The following ZNF469 variants were observed in gnomAD, a reference collection of about 807,000 sequenced individuals.
ZNF469 encodes the protein zinc finger protein 469.
In ZNF469, 1 loss-of-function variant was observed where a neutral mutation model predicts 1.0. That is an observed-to-expected ratio of 1.00 (90% confidence interval 0.35 to 4.73). The LOEUF (loss-of-function observed/expected upper bound fraction) is 4.73, where lower values mean the gene tolerates loss of function less well. Among genes scored for constraint, ZNF469 ranks in the 30% most tolerant of loss-of-function variants. The pLI, the probability that ZNF469 is intolerant of heterozygous loss-of-function variation, is 0.16. For missense variants in ZNF469, 6,100 were observed against 5,356.3 expected, an observed-to-expected ratio of 1.14 and a Z score of -4.33; for synonymous variants, 2,703 against 2,363.4, an observed-to-expected ratio of 1.14 and a Z score of -4.17.
chr16:88,375,129 T>C, the ZNF469 span, among the ~76,000 whole-genome samples: 1 of 152,238 alleles, frequency 6.6e-6, no homozygotes, highest in African/African-American at 2.4e-5. Flanking sequence ...TTTTTCTGGT[T>C]ATGAAATAGA....
the ZNF469 span, among the ~76,000 whole-genome samples, chr16:88,209,138 G>T: frequency 6.6e-6 from 1 of 151,600 alleles, no homozygotes; most frequent in Non-Finnish European, 1.5e-5. Flanking sequence ...AACTTAACCT[G>T]GTTCCACAAA....
chr16:88,198,412 AGTT>A, the ZNF469 span, among the ~76,000 whole-genome samples: 1 of 152,250 alleles, frequency 6.6e-6, no homozygotes, highest in East Asian at 1.9e-4. Context: ...AGGCTATTGC[AGTT>A]GTCCAAACTT....
the ZNF469 span, among the ~76,000 whole-genome samples, chr16:88,212,722 AG>A: frequency 1.3e-5 from 2 of 152,184 alleles, no homozygotes; most frequent in Non-Finnish European, 2.9e-5. Context: ...CTAAGACTAA[AG>A]GCACACACCA....
At chr16:88,383,481 CG>C (rs1433751824) in intron 1 of ZNF469, among the ~76,000 whole-genome samples, 1 of 149,028 alleles carries the variant, frequency 6.7e-6, no homozygotes, top group Non-Finnish European at 1.5e-5. Flanking sequence ...CAGCGAGCGC[CG>C]GGGCCCGGCG....
the ZNF469 span, among the ~76,000 whole-genome samples, chr16:88,134,006 A>G: frequency 6.6e-6 from 1 of 152,200 alleles, no homozygotes; most frequent in Non-Finnish European, 1.5e-5. Context: ...GAGGCAGGAC[A>G]ATCAATAGAA....
At chr16:88,197,851 A>G in the ZNF469 span, among the ~76,000 whole-genome samples, 1 of 152,248 alleles carries the variant, frequency 6.6e-6, no homozygotes, top group South Asian at 2.1e-4. Context: ...GTGTCCTCAC[A>G]GCATGGCAAC....
the ZNF469 span, among the ~76,000 whole-genome samples, chr16:88,260,915 CTG>C: frequency 6.6e-6 from 1 of 152,186 alleles, no homozygotes; most frequent in Non-Finnish European, 1.5e-5. This position sits in a 1 kb window ranked among gnomAD's most constrained non-coding sequence, Gnocchi z 4.1. Context: ...AAGGAGGAGG[CTG>C]CGTGGCCACG....
chr16:88,108,888 G>A, the ZNF469 span, among the ~76,000 whole-genome samples: 20 of 152,170 alleles, frequency 1.3e-4, no homozygotes, highest in Non-Finnish European at 2.4e-4. Context: ...CACCAGCCCC[G>A]GTCGGGACTT....
chr16:88,192,601 G>A, the ZNF469 span, among the ~76,000 whole-genome samples: 16 of 152,408 alleles, frequency 1.0e-4, no homozygotes, highest in African/African-American at 2.9e-4. Flanking sequence ...CTGGTCCACA[G>A]TCCAAGTCAC....
chr16:88,284,483 C>A, the ZNF469 span, among the ~76,000 whole-genome samples: 7 of 152,060 alleles, frequency 4.6e-5, no homozygotes, highest in Non-Finnish European at 7.4e-5. Flanking sequence ...TTAGCTAGGC[C>A]TGGTGTAATC....
At chr16:88,382,781 G>T (rs900359977), upstream of ZNF469, among the ~76,000 whole-genome samples, 1 of 152,232 alleles carries the variant, frequency 6.6e-6, no homozygotes, top group African/African-American at 2.4e-5. Flanking sequence ...TGCCATTCTG[G>T]GGTGGGCTGG....
chr16:88,215,689 C>CAGCCTTTTT, the ZNF469 span, among the ~76,000 whole-genome samples: 1 of 151,984 alleles, frequency 6.6e-6, no homozygotes, highest in Admixed American at 6.6e-5. Context: ...TACACCTGGC[C>CAGCCTTTTT]AGCCTTTTTT....
At position 88,434,205 on chromosome 16, in the gene ZNF469, C is replaced by A. The variant is rs773133696; in HGVS notation, c.6735C>A (p.Pro2245=). The A allele has an allele frequency of 1.9e-6, 3 of 1,550,376 alleles. No homozygotes were observed. In the South Asian group the frequency reaches 3.6e-5, roughly 18 times the overall value. ...AVTCTHSGDT[P]KDSTLRIPED... is the part of the protein sequence containing the mutation. ...CCTGCACTCACAGTGGGGACACCCC[C>A]AAAGACAGCACTTTAAGAATTCCAG... Residue 2245 remains proline, a synonymous_variant, in exon 3 of 3, where the codon CCC becomes CCA. Coordinates refer to ENST00000565624, the MANE Select transcript of ZNF469 (RefSeq NM_001367624.2).
At chr16:88,117,175 A>T in the ZNF469 span, among the ~76,000 whole-genome samples, 1 of 54,940 alleles carries the variant, frequency 1.8e-5, no homozygotes, top group Non-Finnish European at 6.1e-5. Context: ...AACTGGGGGC[A>T]TGTGAGGGCC....
At chr16:88,279,015 CATT>C in the ZNF469 span, among the ~76,000 whole-genome samples, 1 of 151,108 alleles carries the variant, frequency 6.6e-6, no homozygotes, top group Non-Finnish European at 1.5e-5. Context: ...ATGTAGATAT[CATT>C]AGTGCTGTAC....
chr16:88,157,808 C>T, the ZNF469 span, among the ~76,000 whole-genome samples: 8 of 151,914 alleles, frequency 5.3e-5, no homozygotes, highest in Non-Finnish European at 8.8e-5. Context: ...TGTTATATGA[C>T]CGTGCCATCC....
At chr16:88,420,949 A>C (rs1029698573) in intron 1 of ZNF469, among the ~76,000 whole-genome samples, 1 of 151,576 alleles carries the variant, frequency 6.6e-6, no homozygotes, top group African/African-American at 2.4e-5. Flanking sequence ...GTCGGGAGGA[A>C]GGGAAACGGG....
chr16:88,293,397 A>G, the ZNF469 span, among the ~76,000 whole-genome samples: 1 of 151,674 alleles, frequency 6.6e-6, no homozygotes, highest in African/African-American at 2.4e-5. Context: ...AGGTGGATGA[A>G]TAATTGACTG....
At chr16:88,339,916 G>A in the ZNF469 span, among the ~76,000 whole-genome samples, 27 of 144,050 alleles carry the variant, frequency 1.9e-4, no homozygotes, top group East Asian at 7.9e-4. Context: ...GGTGCTTCAC[G>A]GGGTGGCACA....
Sources: allele counts gnomAD v4.1 joint callset (sites outside exome capture counted in the v4.1 genomes callset), GRCh38; gene constraint gnomAD v4.1.1; non-coding constraint Gnocchi (gnomAD v3.1); transcripts MANE v1.5; gene names NCBI Gene and HGNC (gene_info 2026-07-23, HGNC 2026-07-21).